The following PRDM5 variants were observed in gnomAD, a reference collection of about 807,000 sequenced individuals.
PRDM5 encodes the protein PR domain zinc finger protein 5.
A neutral mutation model predicts 81.2 loss-of-function variants in PRDM5; 56 were observed. That is an observed-to-expected ratio of 0.69 (90% CI 0.56 to 0.86). PRDM5 has a LOEUF of 0.86. Among genes scored for constraint, PRDM5 ranks in the 40% least tolerant of loss-of-function variants. PRDM5 has a pLI of 0.00. For synonymous variants in PRDM5, 267 were observed against 256.4 expected (o/e 1.04, Z -0.39); for missense variants, 697 against 770.1 (o/e 0.91, Z 1.12).
chr4:120,909,602 T>C (rs1324999977), intron 1 of PRDM5, among the ~76,000 whole-genome samples: 1 of 151,508 alleles, frequency 6.6e-6, no homozygotes, highest in African/African-American at 2.4e-5. Context: ...CAGTTCCTCT[T>C]TGCAGTACAA....
At chr4:120,767,608 C>A (rs573923392) in intron 13 of PRDM5, among the ~76,000 whole-genome samples, 1 of 152,140 alleles carries the variant, frequency 6.6e-6, no homozygotes, top group African/African-American at 2.4e-5. Context: ...CAATTAGTAA[C>A]CATTTCCTAG....
intron 13 of PRDM5, among the ~76,000 whole-genome samples, chr4:120,765,593 C>T (rs1425358751): frequency 6.6e-6 from 1 of 152,124 alleles, no homozygotes; most frequent in East Asian, 1.9e-4. Context: ...ACAGAGCTGC[C>T]CGCCAGGCAC....
chr4:120,908,708 T>G (rs1446818543), intron 1 of PRDM5, among the ~76,000 whole-genome samples: 1 of 152,164 alleles, frequency 6.6e-6, no homozygotes, highest in Non-Finnish European at 1.5e-5. Context: ...CAGAGATTCC[T>G]CAAATCAAGA....
At chr4:120,889,425 A>C (rs1363291451) in intron 2 of PRDM5, among the ~76,000 whole-genome samples, 1 of 152,136 alleles carries the variant, frequency 6.6e-6, no homozygotes, top group African/African-American at 2.4e-5. Flanking sequence ...TGGTTGTATA[A>C]GTCCTCCAGT....
chr4:120,866,617 A>T (rs930539039), intron 2 of PRDM5, among the ~76,000 whole-genome samples: 1 of 152,202 alleles, frequency 6.6e-6, no homozygotes, highest in Admixed American at 6.6e-5. Context: ...AAGCAGAAAC[A>T]GAAATGAATA....
intron 13 of PRDM5, among the ~76,000 whole-genome samples, chr4:120,760,161 T>C (rs1330727820): frequency 6.6e-6 from 1 of 152,208 alleles, no homozygotes; most frequent in Non-Finnish European, 1.5e-5. Context: ...TTTGTGTAAA[T>C]TGGGTTAGAC....
In PRDM5 at chr4:120,816,561, G is replaced by T. The variant is rs533311848; in HGVS notation, c.757C>A (p.Gln253Lys). The change falls in exon 7 of 16, where the codon CAG becomes AAG. Residue 253 changes from glutamine (Q) to lysine (K), a missense_variant. Physicochemically the swap from Gln to Lys is moderately conservative, Grantham distance 53. This residue lies in a region of PRDM5 where 577 missense variants were observed against 606.7 expected (regional missense o/e 0.95). Coordinates refer to ENST00000264808, the MANE Select transcript of PRDM5 (RefSeq NM_018699.4). ...CTGGCATCCCCCCGGCAAGTCTCCT[G>T]GTGCTGCTCAAAACTACAAGACAAC... ...FSSASSFEQH[Q>K]ETCRGDARFV... The T allele has an allele frequency of 5.3e-5, 86 of 1,613,968 alleles. No individual in the cohort carries two copies. Among genetic ancestry groups the T allele is most frequent in the Non-Finnish European group, 7.0e-5 (83 of 1,180,016 alleles).
rs1751870699 is a variant in PRDM5, at chr4:120,799,851, A to C, written c.946-106T>G. 6 of 1,519,030 alleles carry C rather than the reference A, an allele frequency of 3.9e-6. No individual in the cohort carries two copies. In the East Asian group the frequency reaches 1.2e-4, roughly 31 times the overall value. 94.1% of individuals were successfully genotyped at this position (1,519,030 alleles called of 1,614,324 possible). ...GTGAACAGCTGCCACTGCAATACCC[A>C]AACTATATATTACAATTCAGCCCTA... is the stretch of plus-strand genomic sequence containing the variant. On this transcript the variant is annotated intron_variant, in intron 8 of 15. Transcript: ENST00000264808.
chr4:120,887,342 T>C (rs747082026), intron 2 of PRDM5, among the ~76,000 whole-genome samples: 2 of 152,112 alleles, frequency 1.3e-5, no homozygotes, highest in Non-Finnish European at 2.9e-5. Context: ...CCAAATCTAC[T>C]GTTAGGGCCC....
intron 13 of PRDM5, among the ~76,000 whole-genome samples, chr4:120,771,183 A>G (rs947168995): frequency 2.0e-5 from 3 of 152,182 alleles, no homozygotes; most frequent in Non-Finnish European, 2.9e-5. Context: ...TTCAAGGGAC[A>G]TAACAATGTT....
chr4:120,909,876 A>G (rs1224700102), intron 1 of PRDM5, among the ~76,000 whole-genome samples: 1 of 152,158 alleles, frequency 6.6e-6, no homozygotes, highest in Non-Finnish European at 1.5e-5. Flanking sequence ...AAATTATAAT[A>G]AATAGTGGTT....
At chr4:120,809,727 T>C (rs1753563261) in intron 8 of PRDM5, among the ~76,000 whole-genome samples, 1 of 152,184 alleles carries the variant, frequency 6.6e-6, no homozygotes, top group East Asian at 1.9e-4. Flanking sequence ...CTATTAGACA[T>C]TAGACATTCT....
chr4:120,884,642 G>A (rs1261989241), intron 2 of PRDM5, among the ~76,000 whole-genome samples: 1 of 151,994 alleles, frequency 6.6e-6, no homozygotes. Context: ...AGTAAACATC[G>A]AAGACATATT....
chr4:120,862,932 G>T (rs188702634), intron 2 of PRDM5, among the ~76,000 whole-genome samples: 93 of 151,882 alleles, frequency 6.1e-4, no homozygotes, highest in African/African-American at 2.0e-3. Context: ...GCCAAGGAGG[G>T]TGACTCGCTT....
At chr4:120,766,445 T>A (rs986033187) in intron 13 of PRDM5, among the ~76,000 whole-genome samples, 2 of 152,250 alleles carry the variant, frequency 1.3e-5, no homozygotes, top group Non-Finnish European at 2.9e-5. Flanking sequence ...ATACTAATTT[T>A]ACGGTAGCAA....
intron 8 of PRDM5, among the ~76,000 whole-genome samples, chr4:120,806,867 A>G (rs1251729463): frequency 6.6e-6 from 1 of 152,212 alleles, no homozygotes; most frequent in African/African-American, 2.4e-5. Context: ...ATTAAACTAA[A>G]GAGCTTCTGC....
chr4:120,711,653 T>A (rs954881384), intron 14 of PRDM5, among the ~76,000 whole-genome samples: 9 of 152,042 alleles, frequency 5.9e-5, no homozygotes, highest in Admixed American at 3.9e-4. Flanking sequence ...GATGTTCTTT[T>A]ATAAAATCTA....
chr4:120,701,151 A>AC (rs551154324), intron 15 of PRDM5, among the ~76,000 whole-genome samples: 28 of 143,356 alleles, frequency 2.0e-4, no homozygotes, highest in African/African-American at 5.5e-4. Flanking sequence ...AAACAAACAA[A>AC]AAAAAAAGAG....
At chr4:120,764,593 A>G (rs1371541233) in intron 13 of PRDM5, among the ~76,000 whole-genome samples, 1 of 151,934 alleles carries the variant, frequency 6.6e-6, no homozygotes, top group Non-Finnish European at 1.5e-5. Flanking sequence ...GAAAAAAAAA[A>G]CAGTGGAAGA....
Sources: gnomAD v4.1 joint callset for allele counts (sites outside exome capture counted in the v4.1 genomes callset) on GRCh38, gnomAD v4.1.1 for gene constraint, gnomAD v4.1.1 regional missense constraint, MANE v1.5 for transcripts, NCBI Gene and HGNC (gene_info 2026-07-23, HGNC 2026-07-21) for gene names.